The following FBXL2 variants were observed in gnomAD, a reference collection of about 807,000 sequenced individuals.
FBXL2 encodes F-box and leucine rich repeat protein 2.
FBXL2 carries 38 observed loss-of-function variants against 69.2 expected under a neutral mutation model. The ratio of observed to expected loss-of-function variants is 0.55; its 90% CI spans 0.42 to 0.72. The LOEUF is 0.72. Among genes scored for constraint, FBXL2 ranks in the 30% least tolerant of loss-of-function variants. FBXL2 has a pLI of 0.00. For synonymous variants in FBXL2, 192 were observed against 201.3 expected (o/e 0.95, Z 0.39); for missense variants, 354 against 520.3 (o/e 0.68, Z 3.11).
At chr3:33,354,247 T>C (rs2041031691) in intron 2 of FBXL2, among the ~76,000 whole-genome samples, 1 of 151,748 alleles carries the variant, frequency 6.6e-6, no homozygotes, top group African/African-American at 2.4e-5. Flanking sequence ...GGCCCAGTGG[T>C]TCACGCCTGT....
At chr3:33,371,083 A>T (rs2154047252) in intron 5 of FBXL2, among the ~76,000 whole-genome samples, 1 of 151,554 alleles carries the variant, frequency 6.6e-6, no homozygotes, top group East Asian at 1.9e-4. Context: ...TATGTCTTCA[A>T]GTTCACTAAT....
chr3:33,375,462 G>T, intron 10 of FBXL2, 44 bp downstream of exon 10: 3 of 1,597,410 alleles, frequency 1.9e-6, no homozygotes, highest in Non-Finnish European at 2.6e-6. Context: ...GAGTTTGGCT[G>T]AGTTAACCAA....
Position 33,318,111 on chromosome 3 carries a change from CTTTTG to C in FBXL2, c.65+20405_65+20409del, listed in dbSNP as rs140940372. On this transcript the variant is annotated intron_variant, in intron 2 of 14. Coordinates refer to ENST00000484457, the MANE Select transcript of FBXL2 (RefSeq NM_012157.5). ...ATTCTTAGACTGTAGCCCCAGACGT[CTTTTG>C]TTTTGTTTTGTTTTGTTTCCTGTTC... Among the ~76,000 whole-genome samples, 7 of 151,920 alleles carry C rather than the reference CTTTTG, an allele frequency of 4.6e-5. No homozygotes were observed. In the South Asian group the frequency reaches 8.3e-4, roughly 18 times the overall value.
At chr3:33,394,341 C>T (rs1266247206) in intron 12 of FBXL2, among the ~76,000 whole-genome samples, 1 of 151,986 alleles carries the variant, frequency 6.6e-6, no homozygotes, top group African/African-American at 2.4e-5. Flanking sequence ...CCAGCACGCC[C>T]AGTTAAGCAT....
At chr3:33,291,858 C>T (rs143487040) in intron 1 of FBXL2, among the ~76,000 whole-genome samples, 1 of 152,300 alleles carries the variant, frequency 6.6e-6, no homozygotes, top group Non-Finnish European at 1.5e-5. Context: ...TAAAGACCAT[C>T]ATCTCCAATT....
chr3:33,329,528 G>T (rs1373426786), intron 2 of FBXL2, among the ~76,000 whole-genome samples: 1 of 152,240 alleles, frequency 6.6e-6, no homozygotes, highest in African/African-American at 2.4e-5. Context: ...GTGTCCATCA[G>T]TGGATGAATG....
chr3:33,338,044 A>G (rs2039725422), intron 2 of FBXL2, among the ~76,000 whole-genome samples: 1 of 152,210 alleles, frequency 6.6e-6, no homozygotes, highest in South Asian at 2.1e-4. Flanking sequence ...ATCCAAAGCT[A>G]TTTACAGATT....
intron 12 of FBXL2, among the ~76,000 whole-genome samples, chr3:33,394,465 G>C (rs1413095424): frequency 6.6e-6 from 1 of 152,016 alleles, no homozygotes; most frequent in Admixed American, 6.5e-5. Flanking sequence ...TATATGAAAA[G>C]CTAATATAAA....
chr3:33,384,150 C>G lies in FBXL2; in HGVS notation c.1113C>G (p.Leu371=). ...HLENCRGLER[L]ELYDCQQVTR... The stretch of plus-strand genomic sequence containing the variant: ...AGAACTGCCGAGGCCTGGAGCGCCT[C>G]GAGCTGTACGACTGCCAGCAGGTTA... Residue 371 remains leucine (L), a synonymous_variant, in exon 14 of 15, where the codon CTC becomes CTG. Transcript: ENST00000484457. 1 of 1,614,116 alleles carries G rather than the reference C, an allele frequency of 6.2e-7. No individual in the cohort carries two copies.
At chr3:33,313,123 A>G (rs77644013) in intron 2 of FBXL2, among the ~76,000 whole-genome samples, 1 of 68,988 alleles carries the variant, frequency 1.4e-5, no homozygotes, top group South Asian at 4.6e-4. Context: ...CGTCTCCAAG[A>G]AAAAAAAAAA....
intron 2 of FBXL2, among the ~76,000 whole-genome samples, chr3:33,313,051 T>G (rs897537593): frequency 2.0e-5 from 3 of 149,428 alleles, no homozygotes; most frequent in African/African-American, 5.0e-5. Context: ...ACCCGGGAGG[T>G]GGAGGTTGCA....
At chr3:33,332,331 C>A (rs1353953954) in intron 2 of FBXL2, among the ~76,000 whole-genome samples, 1 of 152,082 alleles carries the variant, frequency 6.6e-6, no homozygotes, top group African/African-American at 2.4e-5. Flanking sequence ...AAATAAAAAC[C>A]TTTTCCATAA....
intron 1 of FBXL2, among the ~76,000 whole-genome samples, chr3:33,290,521 A>C (rs937865399): frequency 7.2e-5 from 11 of 152,256 alleles, no homozygotes; most frequent in African/African-American, 2.7e-4. Context: ...TTCAGCAGAA[A>C]GATGTAAAGT....
At chr3:33,396,497 T>C (rs572418758) in intron 12 of FBXL2, 3 of 512,764 alleles carry the variant, frequency 5.9e-6, no homozygotes, top group Middle Eastern at 1.0e-3. Context: ...CTCTAAACCA[T>C]TGAGATGGTC....
At chr3:33,392,706 A>C (rs565556111), downstream of FBXL2, 448 of 1,243,370 alleles carry the variant, frequency 3.6e-4, 3 homozygotes, top group South Asian at 3.0e-3. Context: ...TTCTCAAACA[A>C]ACACAGGACT....
At chr3:33,418,378 C>G in the FBXL2 span, among the ~76,000 whole-genome samples, 3 of 152,032 alleles carry the variant, frequency 2.0e-5, no homozygotes, top group Non-Finnish European at 4.4e-5. Flanking sequence ...CCTTGGACTC[C>G]TGAGTACCTG....
At chr3:33,368,353 C>T (rs953608601) in intron 5 of FBXL2, among the ~76,000 whole-genome samples, 3 of 152,224 alleles carry the variant, frequency 2.0e-5, no homozygotes, top group African/African-American at 7.2e-5. Flanking sequence ...CCTATCAGCT[C>T]TTGCTTCAAG....
intron 2 of FBXL2, among the ~76,000 whole-genome samples, chr3:33,321,602 G>T (rs2038226532): frequency 6.6e-6 from 1 of 152,174 alleles, no homozygotes; most frequent in South Asian, 2.1e-4. Context: ...GAAATGCCAG[G>T]ATATGTTCTG....
chr3:33,381,512 C>T (rs1309984157), intron 13 of FBXL2, among the ~76,000 whole-genome samples: 2 of 151,882 alleles, frequency 1.3e-5, no homozygotes, highest in East Asian at 3.9e-4. Flanking sequence ...GGCGTGGTGG[C>T]GCATGCATGA....
Sources: gnomAD v4.1 joint callset for allele counts (sites outside exome capture counted in the v4.1 genomes callset) on GRCh38, gnomAD v4.1.1 for gene constraint, MANE v1.5 for transcripts, NCBI Gene and HGNC (gene_info 2026-07-23, HGNC 2026-07-21) for gene names.